Variants in DGKG observed in about 807,000 individuals in gnomAD.
The protein encoded by DGKG is DAG kinase gamma.
DGKG carries 78 observed loss-of-function variants against 105.3 expected under a neutral mutation model. The ratio of observed to expected loss-of-function variants is 0.74; its 90% CI spans 0.62 to 0.89. The LOEUF is 0.89. Among genes scored for constraint, DGKG ranks in the 40% least tolerant of loss-of-function variants. The pLI is 0.00. For synonymous variants in DGKG, 346 were observed against 367.1 expected (o/e 0.94, Z 0.66); for missense variants, 958 against 1,020.1 (o/e 0.94, Z 0.83).
chr3:186,157,866 C>A (rs966928339), intron 24 of DGKG, among the ~76,000 whole-genome samples: 3 of 152,074 alleles, frequency 2.0e-5, no homozygotes, highest in Admixed American at 2.0e-4. Flanking sequence ...CCATGCCTGG[C>A]TAATTTTTGT....
At chr3:186,205,249 C>G (rs1241486417) in intron 21 of DGKG, among the ~76,000 whole-genome samples, 6 of 118,612 alleles carry the variant, frequency 5.1e-5, no homozygotes, top group Non-Finnish European at 6.9e-5. Context: ...AAGAGCAAAA[C>G]TCCTTCTCAA....
At chr3:186,172,413 T>C (rs1407585931) in intron 22 of DGKG, among the ~76,000 whole-genome samples, 1 of 152,190 alleles carries the variant, frequency 6.6e-6, no homozygotes, top group Non-Finnish European at 1.5e-5. Context: ...CCCCTGACTA[T>C]GTATGGAGCC....
Position 186,249,830 on chromosome 3 carries a change from T to G in DGKG, c.1761+1929A>C, listed in dbSNP as rs187305121. Among the ~76,000 whole-genome samples the G allele has an allele frequency of 7.6e-3, 1,099 of 144,352 alleles. 12 individuals carry two copies. The highest frequency in any genetic ancestry group is 0.028 in the African/African-American group (1,045 of 36,742). The allele number at this position is 144,352 out of a possible 152,430, so 94.7% of individuals were successfully genotyped here. ...CCTAAGTGACAGAGTGAGACTCGTC[T>G]CAAAAACAAAACAAAACAAAACAAA... On this transcript the variant is annotated intron_variant, in intron 19 of 24. Transcript: ENST00000265022.
chr3:186,204,927 G>A (rs1028540980), intron 21 of DGKG, among the ~76,000 whole-genome samples: 4 of 152,102 alleles, frequency 2.6e-5, no homozygotes, highest in African/African-American at 4.8e-5. Context: ...CACGGATAGT[G>A]GCTGGGTTTT....
chr3:186,356,418 G>C (rs767585223), intron 1 of DGKG, among the ~76,000 whole-genome samples: 1 of 152,208 alleles, frequency 6.6e-6, no homozygotes, highest in Non-Finnish European at 1.5e-5. Context: ...CTGTGAGGGG[G>C]TGTGGGCAAG....
chr3:186,224,739 C>T (rs1719768619), intron 20 of DGKG, among the ~76,000 whole-genome samples: 1 of 149,992 alleles, frequency 6.7e-6, no homozygotes, highest in Admixed American at 6.7e-5. Context: ...CCCCCGCCCC[C>T]CAATCTTCTT....
At chr3:186,268,112 G>A in intron 12 of DGKG, among the ~76,000 whole-genome samples, 1 of 152,194 alleles carries the variant, frequency 6.6e-6, no homozygotes, top group Non-Finnish European at 1.5e-5. Context: ...TGAGACTCTG[G>A]GAGGAGGGAG....
intron 22 of DGKG, among the ~76,000 whole-genome samples, chr3:186,173,047 C>T (rs1259774416): frequency 1.3e-5 from 2 of 152,216 alleles, no homozygotes; most frequent in Non-Finnish European, 2.9e-5. Flanking sequence ...CTTCACAGGG[C>T]CATTCCTCCA....
At chr3:186,310,859 T>C (rs1724508013) in intron 2 of DGKG, among the ~76,000 whole-genome samples, 1 of 152,238 alleles carries the variant, frequency 6.6e-6, no homozygotes, top group African/African-American at 2.4e-5. Context: ...ATATATTTTA[T>C]TTAAATCCCC....
chr3:186,220,838 C>G (rs1167725890), intron 20 of DGKG, among the ~76,000 whole-genome samples: 1 of 152,162 alleles, frequency 6.6e-6, no homozygotes, highest in African/African-American at 2.4e-5. Flanking sequence ...GAACAGTGAC[C>G]CTTCTCTTCC....
intron 24 of DGKG, among the ~76,000 whole-genome samples, chr3:186,155,837 G>A (rs1716008619): frequency 6.6e-6 from 1 of 152,170 alleles, no homozygotes; most frequent in Non-Finnish European, 1.5e-5. Flanking sequence ...AAACAGCTGT[G>A]CTAATTGGTC....
rs1435932868 is a variant in DGKG at position 186,314,187 on chromosome 3, A to G, written c.67+6206T>C. ...TATACATATCTGCACACACACACAC[A>G]CACACACACACACACACACACACAC... On this transcript the variant is annotated intron_variant, in intron 2 of 24. Coordinates refer to ENST00000265022, the MANE Select transcript of DGKG (RefSeq NM_001346.3). 5.4e-3 allele frequency among the ~76,000 whole-genome samples: 571 copies of G among 106,644 alleles called. 3 individuals carry two copies. The highest frequency in any genetic ancestry group is 0.017 in the African/African-American group (543 of 31,246). The allele number at this position is 106,644 out of a possible 152,430, so 70.0% of individuals were successfully genotyped here. A position where few individuals can be genotyped will look rare whatever the true frequency, so the allele number is the denominator to read the frequency against.
At chr3:186,269,381 C>T (rs1025352117) in intron 11 of DGKG, among the ~76,000 whole-genome samples, 2 of 152,226 alleles carry the variant, frequency 1.3e-5, no homozygotes, top group Non-Finnish European at 2.9e-5. Context: ...CTCTGAGTCT[C>T]AGGTCCCTGA....
At chr3:186,275,509 A>AGTG in intron 10 of DGKG, 38 bp downstream of exon 10, 1 of 1,550,114 alleles carries the variant, frequency 6.5e-7, no homozygotes, top group Non-Finnish European at 8.9e-7. Flanking sequence ...AGAGCAAGAT[A>AGTG]GTGCCTGGGG....
At chr3:186,351,066 G>C (rs952666456) in intron 1 of DGKG, among the ~76,000 whole-genome samples, 1 of 152,146 alleles carries the variant, frequency 6.6e-6, no homozygotes, top group African/African-American at 2.4e-5. Flanking sequence ...TACCTTTGGA[G>C]ATGTTAGTGG....
At chr3:186,258,740 G>A (rs1034712087) in intron 16 of DGKG, among the ~76,000 whole-genome samples, 1 of 151,932 alleles carries the variant, frequency 6.6e-6, no homozygotes, top group Non-Finnish European at 1.5e-5. Context: ...CCTATTTGAC[G>A]TATTGGTGAA....
intron 2 of DGKG, among the ~76,000 whole-genome samples, chr3:186,310,620 G>A (rs1724495249): frequency 6.6e-6 from 1 of 152,166 alleles, no homozygotes; most frequent in Non-Finnish European, 1.5e-5. Flanking sequence ...AAAGAACAAC[G>A]AGGGAATAGC....
At chr3:186,291,711 A>G (rs1277860288) in intron 5 of DGKG, among the ~76,000 whole-genome samples, 1 of 146,058 alleles carries the variant, frequency 6.8e-6, no homozygotes, top group African/African-American at 2.5e-5. Context: ...GGCAGAAAGC[A>G]GATCAGTAGT....
chr3:186,184,691 C>T (rs1318784368), intron 22 of DGKG, among the ~76,000 whole-genome samples: 3 of 152,218 alleles, frequency 2.0e-5, no homozygotes, highest in South Asian at 2.1e-4. Flanking sequence ...TGAGCCACTG[C>T]GCCCGGCCTG....
Sources: allele counts gnomAD v4.1 joint callset (sites outside exome capture counted in the v4.1 genomes callset), GRCh38; gene constraint gnomAD v4.1.1; transcripts MANE v1.5; gene names NCBI Gene and HGNC (gene_info 2026-07-23, HGNC 2026-07-21).